NSUN7: variants seen among roughly 807,000 people sequenced by gnomAD.
NSUN7 encodes protein NSUN7.
Under a neutral mutation model 58.5 loss-of-function variants are expected in NSUN7, and 39 were observed. The ratio of observed to expected loss-of-function variants is 0.67; its 90% CI spans 0.52 to 0.87. The LOEUF (loss-of-function observed/expected upper bound fraction) is 0.87. Among genes scored for constraint, NSUN7 ranks in the 40% least tolerant of loss-of-function variants. NSUN7 has a pLI of 0.00. For missense variants in NSUN7, 765 were observed against 844.1 expected, an observed-to-expected ratio of 0.91 and a Z score of 1.16; for synonymous variants, 278 against 303.7, an observed-to-expected ratio of 0.92 and a Z score of 0.88.
chr4:40,792,783 TA>T, intron 8 of NSUN7, among the ~76,000 whole-genome samples: 1 of 150,688 alleles, frequency 6.6e-6, no homozygotes, highest in East Asian at 1.9e-4. Flanking sequence ...TATCCTGAAG[TA>T]AGCGGGCTTT....
At chr4:40,808,094 A>C (rs1743899317) in intron 11 of NSUN7, among the ~76,000 whole-genome samples, 1 of 129,492 alleles carries the variant, frequency 7.7e-6, no homozygotes, top group Non-Finnish European at 1.6e-5. Context: ...CAGGTTCATA[A>C]ATGGGGAAGT....
intron 9 of NSUN7, among the ~76,000 whole-genome samples, chr4:40,797,473 A>C (rs977832858): frequency 6.6e-6 from 1 of 152,182 alleles, no homozygotes; most frequent in Non-Finnish European, 1.5e-5. Context: ...TTCCTCCCAC[A>C]GTACTGCCAT....
chr4:40,783,512 T>C (rs1463953387), intron 7 of NSUN7, among the ~76,000 whole-genome samples: 2 of 152,118 alleles, frequency 1.3e-5, no homozygotes, highest in African/African-American at 2.4e-5. Context: ...TTGGACTTGA[T>C]TAAAATTAAA....
At chr4:40,754,146 C>CTTT (rs375750265) in intron 2 of NSUN7, among the ~76,000 whole-genome samples, 44 of 141,174 alleles carry the variant, frequency 3.1e-4, no homozygotes, top group Middle Eastern at 3.6e-3. Context: ...TGCTATTTTC[C>CTTT]TTTTTTTTTT....
At position 40,750,703 on chromosome 4, in the gene NSUN7, T is replaced by A. The variant is rs1377679179; in HGVS notation, c.10T>A (p.Ser4Thr). The stretch of plus-strand genomic sequence containing the variant: ...CAGGCGAGGGGCAGACATGCTGAAT[T>A]CCACGGGCGAACTGGAGTTTTCGAA... MLN[S>T]TGELEFSNEE... The change falls in exon 2 of 12, where the codon TCC becomes ACC. Residue 4 changes from serine to threonine, a missense_variant. Transcript: ENST00000381782. 6 of 1,612,846 alleles carry A rather than the reference T, an allele frequency of 3.7e-6. No individual in the cohort carries two copies. Among genetic ancestry groups the A allele is most frequent in the African/African-American group, 1.3e-5 (1 of 74,854 alleles).
Position 40,790,064 on chromosome 4 carries a change from C to T in NSUN7, c.1037-538C>T, listed in dbSNP as rs1034834563. On this transcript the variant is annotated intron_variant, in intron 7 of 11. Transcript: ENST00000381782. ...AGTGCTTCTGATAACCCTCCCCCAC[C>T]TTTTTTTTTTTTTTTTTTCTGGAGA... Among the ~76,000 whole-genome samples the T allele has an allele frequency of 3.0e-3, 364 of 121,554 alleles. 1 individual carries two copies. The highest frequency in any genetic ancestry group is 0.011 in the African/African-American group (345 of 32,664). 79.7% of individuals were successfully genotyped at this position (121,554 alleles called of 152,430 possible).
chr4:40,754,208 C>T (rs1304496356), intron 2 of NSUN7, among the ~76,000 whole-genome samples: 2 of 150,664 alleles, frequency 1.3e-5, no homozygotes, highest in Non-Finnish European at 2.9e-5. Context: ...CAGTCAATCG[C>T]GCAATCTCGG....
chr4:40,769,946 A>C (rs1472740194), intron 4 of NSUN7, among the ~76,000 whole-genome samples: 1 of 152,200 alleles, frequency 6.6e-6, no homozygotes, highest in African/African-American at 2.4e-5. Context: ...GTGGTGGCTC[A>C]CGCCTGTAAT....
chr4:40,807,917 A>G (rs947566412), intron 11 of NSUN7, among the ~76,000 whole-genome samples: 1 of 151,488 alleles, frequency 6.6e-6, no homozygotes, highest in Non-Finnish European at 1.5e-5. Context: ...GCACATGCCT[A>G]TAATCCCAGC....
chr4:40,792,765 A>AGAG (rs779141252), intron 8 of NSUN7, among the ~76,000 whole-genome samples: 4 of 149,970 alleles, frequency 2.7e-5, no homozygotes, highest in Admixed American at 2.0e-4. Context: ...AAAAAAAAAA[A>AGAG]GTTGTCGTAT....
At chr4:40,779,484 G>C (rs1438970474) in intron 7 of NSUN7, among the ~76,000 whole-genome samples, 2 of 152,118 alleles carry the variant, frequency 1.3e-5, no homozygotes, top group Non-Finnish European at 2.9e-5. Flanking sequence ...GGCGCCTGTA[G>C]TCCCAGCTAC....
At position 40,810,634 on chromosome 4, in the gene NSUN7, TA is replaced by T. The variant is rs1249672503; in HGVS notation, c.*1696del. On this transcript the variant is annotated 3_prime_UTR_variant, in exon 12 of 12. Transcript: ENST00000381782. The stretch of plus-strand genomic sequence containing the variant: ...TGAAGAAAGGAAACAAGACTTTTTA[TA>T]GTTGAACCAGGCTTATTGTATTTTA... The T allele has an allele frequency of 1.3e-5, 2 of 149,976 alleles. No individual in the cohort carries two copies. The highest frequency in any genetic ancestry group is 4.9e-5 in the African/African-American group (2 of 40,666). The allele number at this position is 149,976 out of a possible 1,614,324, so 9.3% of individuals were successfully genotyped here. A position where few individuals can be genotyped will look rare whatever the true frequency, so the allele number is the denominator to read the frequency against.
At chr4:40,751,900 G>A (rs1740854391) in intron 2 of NSUN7, among the ~76,000 whole-genome samples, 1 of 152,170 alleles carries the variant, frequency 6.6e-6, no homozygotes, top group Non-Finnish European at 1.5e-5. Context: ...GGAGATTGAG[G>A]CGGGAGGATC....
intron 2 of NSUN7, among the ~76,000 whole-genome samples, chr4:40,757,687 C>T (rs564689176): frequency 3.6e-5 from 5 of 140,622 alleles, no homozygotes; most frequent in African/African-American, 1.3e-4. Context: ...TATATATACA[C>T]ACTGTGTATA....
intron 10 of NSUN7, among the ~76,000 whole-genome samples, chr4:40,806,183 C>CG (rs1743802451): frequency 6.6e-6 from 1 of 151,980 alleles, no homozygotes; most frequent in Admixed American, 6.6e-5. Flanking sequence ...TTAGCAGAGA[C>CG]GGGGTTTCAC....
At chr4:40,770,298 TCTG>T (rs1345812029) in intron 4 of NSUN7, among the ~76,000 whole-genome samples, 1 of 152,102 alleles carries the variant, frequency 6.6e-6, no homozygotes, top group African/African-American at 2.4e-5. Context: ...GGTGATTTCT[TCTG>T]ATGGGAACAT....
chr4:40,780,780 C>T (rs1560555493), intron 7 of NSUN7, among the ~76,000 whole-genome samples: 1 of 71,888 alleles, frequency 1.4e-5, no homozygotes, highest in Non-Finnish European at 2.8e-5. Context: ...CACACACACA[C>T]ACACACATAC....
At chr4:40,796,483 TAA>T (rs1462242700) in intron 9 of NSUN7, among the ~76,000 whole-genome samples, 2 of 151,372 alleles carry the variant, frequency 1.3e-5, no homozygotes, top group Admixed American at 1.3e-4. Context: ...CTACAAAAAA[TAA>T]AAAAAGTTAT....
intron 10 of NSUN7, among the ~76,000 whole-genome samples, chr4:40,802,521 C>A (rs1743629615): frequency 6.6e-6 from 1 of 152,074 alleles, no homozygotes; most frequent in African/African-American, 2.4e-5. Context: ...TGGAGGGACA[C>A]TTGGAGAGCT....
Sources: allele counts gnomAD v4.1 joint callset (sites outside exome capture counted in the v4.1 genomes callset), GRCh38; gene constraint gnomAD v4.1.1; transcripts MANE v1.5; gene names NCBI Gene and HGNC (gene_info 2026-07-23, HGNC 2026-07-21).